Variants in TANC2 observed in about 807,000 individuals in gnomAD.
TANC2 encodes the protein protein TANC2.
TANC2 carries 26 observed loss-of-function variants against 210.5 expected under a neutral mutation model. The observed-to-expected ratio is 0.12, with a 90% confidence interval of 0.09 to 0.17. The LOEUF (loss-of-function observed/expected upper bound fraction) is 0.17. TANC2 is among the 10% of genes least tolerant of loss of function. TANC2 has a pLI of 1.00. For synonymous variants in TANC2, 931 were observed against 967.1 expected, an observed-to-expected ratio of 0.96 and a Z score of 0.69; for missense variants, 2,129 against 2,608.9, an observed-to-expected ratio of 0.82 and a Z score of 4.01.
At chr17:63,287,718 C>G (rs897347437) in intron 9 of TANC2, among the ~76,000 whole-genome samples, 2 of 151,006 alleles carry the variant, frequency 1.3e-5, no homozygotes, top group African/African-American at 4.9e-5. Context: ...CTCTGTCACC[C>G]AAGCTAGAGT....
intron 18 of TANC2, chr17:63,396,526 A>C (rs1205195813): frequency 6.5e-6 from 1 of 154,438 alleles, no homozygotes; most frequent in Non-Finnish European, 1.4e-5. Context: ...GAAATGTTTA[A>C]CAACCAACTG....
At chr17:63,281,418 T>G (rs2044053482) in intron 9 of TANC2, among the ~76,000 whole-genome samples, 1 of 152,108 alleles carries the variant, frequency 6.6e-6, no homozygotes, top group Non-Finnish European at 1.5e-5. Flanking sequence ...CTTGGCTGAC[T>G]ACTGAACCAT....
chr17:63,066,345 G>A (rs907715864), intron 2 of TANC2, among the ~76,000 whole-genome samples: 10 of 152,038 alleles, frequency 6.6e-5, no homozygotes, highest in Non-Finnish European at 1.2e-4. Flanking sequence ...GGGTATGTGG[G>A]GCCAGCCTGG....
At chr17:63,065,369 CGA>C (rs1469577434) in intron 2 of TANC2, among the ~76,000 whole-genome samples, 2 of 152,092 alleles carry the variant, frequency 1.3e-5, no homozygotes, top group Non-Finnish European at 2.9e-5. Context: ...AATGAATATG[CGA>C]GAGAGTGCAG....
At chr17:63,356,989 T>G (rs1454304716) in intron 14 of TANC2, among the ~76,000 whole-genome samples, 1 of 152,192 alleles carries the variant, frequency 6.6e-6, no homozygotes, top group South Asian at 2.1e-4. Context: ...TCTGCTGTTA[T>G]CATTTTGGAG....
intron 14 of TANC2, among the ~76,000 whole-genome samples, chr17:63,356,095 C>A (rs1043438436): frequency 6.6e-6 from 1 of 151,972 alleles, no homozygotes; most frequent in Admixed American, 6.6e-5. Context: ...CTCCCCACCC[C>A]ACACGCACAA....
chr17:63,110,151 C>T (rs1037054079), intron 4 of TANC2, among the ~76,000 whole-genome samples: 4 of 151,688 alleles, frequency 2.6e-5, no homozygotes, highest in Admixed American at 1.3e-4. Context: ...ATAGAAACTC[C>T]TAGTGTCCAC....
intron 5 of TANC2, among the ~76,000 whole-genome samples, chr17:63,162,724 G>C (rs1347494874): frequency 6.6e-6 from 1 of 152,052 alleles, no homozygotes; most frequent in Non-Finnish European, 1.5e-5. Context: ...TCTTCTGATT[G>C]TTTTTATTTT....
chr17:63,082,987 T>A (rs1038922566), intron 3 of TANC2, among the ~76,000 whole-genome samples: 6 of 152,246 alleles, frequency 3.9e-5, no homozygotes, highest in African/African-American at 1.4e-4. Flanking sequence ...ATCAGTTTTC[T>A]AATTGTTCCA....
At chr17:63,075,266 T>C (rs1184761673) in intron 3 of TANC2, among the ~76,000 whole-genome samples, 1 of 152,182 alleles carries the variant, frequency 6.6e-6, no homozygotes, top group East Asian at 1.9e-4. Flanking sequence ...GTATCAAATA[T>C]AGATGTTTGA....
chr17:63,126,399 G>T (rs865789860), intron 4 of TANC2, among the ~76,000 whole-genome samples: 4 of 151,874 alleles, frequency 2.6e-5, no homozygotes, highest in Non-Finnish European at 5.9e-5. Context: ...TTTTAGTGGG[G>T]GGTTTAGTTG....
intron 5 of TANC2, among the ~76,000 whole-genome samples, chr17:63,170,435 A>T (rs1034931661): frequency 1.9e-4 from 25 of 133,916 alleles, no homozygotes; most frequent in Admixed American, 7.5e-5. Context: ...GATTCCATTT[A>T]AAAAAAAAAA....
chr17:63,219,958 A>T (rs1296215366), intron 7 of TANC2, among the ~76,000 whole-genome samples: 1 of 152,194 alleles, frequency 6.6e-6, no homozygotes, highest in Non-Finnish European at 1.5e-5. Flanking sequence ...AATTCAAAAC[A>T]GTGTGTTACT....
In TANC2 at chr17:63,405,359, A is replaced by G. The variant is rs919496793; in HGVS notation, c.3465+104A>G. On this transcript the variant is annotated intron_variant, in intron 20 of 27. Coordinates refer to ENST00000689528, the Ensembl canonical transcript of TANC2. ...ATCACAAGTAAAGTTTGGGTTACCC[A>G]GCAGTGATCAGGTTTGAGGACTTGG... 22 of 1,318,052 alleles carry G rather than the reference A, an allele frequency of 1.7e-5. No homozygotes were observed. In the African/African-American group the frequency reaches 2.8e-4, roughly 17 times the overall value. 81.6% of individuals were successfully genotyped at this position (1,318,052 alleles called of 1,614,324 possible).
chr17:63,355,838 A>C (rs1340263321), intron 14 of TANC2, among the ~76,000 whole-genome samples: 2 of 152,232 alleles, frequency 1.3e-5, no homozygotes, highest in Non-Finnish European at 2.9e-5. Context: ...TAAATCCATT[A>C]AAGTCCAGCC....
chr17:63,316,810 A>G (rs2045328005), intron 10 of TANC2, among the ~76,000 whole-genome samples: 1 of 152,190 alleles, frequency 6.6e-6, no homozygotes, highest in Non-Finnish European at 1.5e-5. Context: ...ATATAATGCA[A>G]GCTATTTTTT....
intron 11 of TANC2, among the ~76,000 whole-genome samples, chr17:63,323,563 G>T (rs530602966): frequency 2.6e-4 from 40 of 152,280 alleles, no homozygotes; most frequent in African/African-American, 8.9e-4. Flanking sequence ...TGAATCTGTT[G>T]TGCCCCTGTG....
At chr17:63,258,929 A>T (rs2043278362) in intron 8 of TANC2, among the ~76,000 whole-genome samples, 1 of 152,070 alleles carries the variant, frequency 6.6e-6, no homozygotes, top group South Asian at 2.1e-4. Context: ...GAATACACAG[A>T]GTCACACCTA....
intron 24 of TANC2, 93 bp from the exon 25 acceptor site, chr17:63,413,450 C>G: frequency 3.1e-6 from 3 of 954,934 alleles, no homozygotes; most frequent in Non-Finnish European, 4.7e-6. Context: ...GTTCTCTCAG[C>G]AGAAATTCCC....
Sources: allele counts gnomAD v4.1 joint callset (sites outside exome capture counted in the v4.1 genomes callset), GRCh38; gene constraint gnomAD v4.1.1; transcripts MANE v1.5; gene names NCBI Gene and HGNC (gene_info 2026-07-23, HGNC 2026-07-21).